SLC9A3: variants seen among roughly 807,000 people sequenced by gnomAD.
The protein encoded by SLC9A3 is sodium/hydrogen exchanger 3.
A neutral mutation model predicts 86.8 loss-of-function variants in SLC9A3; 37 were observed. That is an observed-to-expected ratio of 0.43 (90% CI 0.33 to 0.56). The LOEUF is 0.56. SLC9A3 is among the 20% of genes least tolerant of loss of function. The pLI is 0.06. For missense variants in SLC9A3, 1,011 were observed against 1,171.9 expected, an observed-to-expected ratio of 0.86 and a Z score of 2.00; for synonymous variants, 581 against 528.3, an observed-to-expected ratio of 1.10 and a Z score of -1.37.
chr5:508,434 C>T (rs571658367), intron 1 of SLC9A3, among the ~76,000 whole-genome samples: 3 of 132,618 alleles, frequency 2.3e-5, no homozygotes, highest in South Asian at 2.7e-4. Context: ...CGCAGGGAGA[C>T]GCAGCCCATA....
chr5:485,823 C>T (rs1483526781), intron 3 of SLC9A3, among the ~76,000 whole-genome samples: 2 of 152,110 alleles, frequency 1.3e-5, no homozygotes, highest in African/African-American at 2.4e-5. Flanking sequence ...CTGGGGCAGG[C>T]GTGTAAGTTG....
In SLC9A3 at chr5:472,726, G is replaced by A. The variant is rs1738434442; in HGVS notation, c.*653C>T. ...GGGCCTGGAAACGGCGCTCGGCCCAGGCCGCTTGCGGGCGCTGGGCCTGCA... is the reference window on the plus strand; with the variant it reads ...GGGCCTGGAAACGGCGCTCGGCCCAAGCCGCTTGCGGGCGCTGGGCCTGCA... On this transcript the variant is annotated 3_prime_UTR_variant, in exon 17 of 17. Coordinates refer to ENST00000264938, the MANE Select transcript of SLC9A3 (RefSeq NM_004174.4). 4 of 570,924 alleles carry A rather than the reference G, an allele frequency of 7.0e-6. No homozygotes were observed. Among genetic ancestry groups the A allele is most frequent in the South Asian group, 4.6e-5 (3 of 65,546 alleles). 35.4% of individuals were successfully genotyped at this position (570,924 alleles called of 1,614,324 possible). A position where few individuals can be genotyped will look rare whatever the true frequency, so the allele number is the denominator to read the frequency against.
At chr5:475,503 T>A in intron 15 of SLC9A3, 58 bp downstream of exon 15, 3 of 1,019,970 alleles carry the variant, frequency 2.9e-6, no homozygotes, top group Non-Finnish European at 4.5e-6. Flanking sequence ...CCGAGCTCCC[T>A]CCTGGGGCGG....
Position 475,577 on chromosome 5 carries a change from C to T in SLC9A3, c.2235G>A (p.Ala745=), listed in dbSNP as rs1441598292. Residue 745 remains alanine (A), a synonymous_variant, in exon 15 of 17, where the codon GCG becomes GCA. Transcript: ENST00000264938. The part of the protein sequence containing the change: ...EFLASVTKDT[A]SDSPAGIDNP... Reference sequence around the variant, plus strand: ...CGTCCCCACCTGCAGGGGAGTCGGACGCTGTGTCCTTGGTGACACTAGCCA... The same window carrying T: ...CGTCCCCACCTGCAGGGGAGTCGGATGCTGTGTCCTTGGTGACACTAGCCA... 2 of 1,548,212 alleles carry T rather than the reference C, an allele frequency of 1.3e-6. No individual in the cohort carries two copies. Among genetic ancestry groups the T allele is most frequent in the Non-Finnish European group, 1.7e-6 (2 of 1,143,600 alleles).
At chr5:522,752 A>AG (rs947104470) in intron 1 of SLC9A3, among the ~76,000 whole-genome samples, 1 of 151,914 alleles carries the variant, frequency 6.6e-6, no homozygotes, top group African/African-American at 2.4e-5. Flanking sequence ...AAAAAAAAAA[A>AG]AAAGAAAAAA....
At chr5:515,369 C>G (rs1170965554) in intron 1 of SLC9A3, among the ~76,000 whole-genome samples, 1 of 152,152 alleles carries the variant, frequency 6.6e-6, no homozygotes, top group Non-Finnish European at 1.5e-5. Flanking sequence ...CTTGGGCACC[C>G]TGGCTGCTCT....
intron 1 of SLC9A3, among the ~76,000 whole-genome samples, chr5:498,588 G>A (rs566550950): frequency 6.6e-6 from 1 of 152,256 alleles, no homozygotes; most frequent in Admixed American, 6.5e-5. Flanking sequence ...TTTTTGTAGA[G>A]ATGGAGTTTC....
intron 1 of SLC9A3, among the ~76,000 whole-genome samples, chr5:514,372 C>T (rs1193642346): frequency 3.9e-5 from 6 of 152,212 alleles, no homozygotes; most frequent in East Asian, 1.9e-4. Context: ...GCCCAGCCTC[C>T]GGCCTGTGCC....
intron 11 of SLC9A3, 124 bp from the exon 12 acceptor site, chr5:476,796 G>C (rs910805580): frequency 8.7e-7 from 1 of 1,155,700 alleles, no homozygotes; most frequent in Non-Finnish European, 1.2e-6. Flanking sequence ...GCCTTCCCAT[G>C]GTGGGCACCC....
intron 1 of SLC9A3, among the ~76,000 whole-genome samples, chr5:515,124 C>A (rs1419174065): frequency 6.6e-6 from 1 of 151,932 alleles, no homozygotes; most frequent in Non-Finnish European, 1.5e-5. Flanking sequence ...CGGCCCCCCA[C>A]TCCTCACCCC....
At chr5:506,796 G>T (rs566751897) in intron 1 of SLC9A3, among the ~76,000 whole-genome samples, 5 of 151,978 alleles carry the variant, frequency 3.3e-5, no homozygotes, top group African/African-American at 4.8e-5. Context: ...GGCCGGGCGC[G>T]GTGGCTCACG....
chr5:486,031 C>A (rs1230927268), intron 3 of SLC9A3, among the ~76,000 whole-genome samples: 1 of 152,344 alleles, frequency 6.6e-6, no homozygotes, highest in African/African-American at 2.4e-5. Context: ...TTAAGTCTCA[C>A]TTCCCAAATT....
Position 474,127 on chromosome 5 carries a change from G to A in SLC9A3, c.2502-745C>T, listed in dbSNP as rs146984168. Among the ~76,000 whole-genome samples the A allele has an allele frequency of 1.3e-3, 202 of 151,384 alleles. 9 individuals are homozygous for A. In the East Asian group the frequency reaches 0.018, roughly 13 times the overall value. ...GCCAGGTTCAGGTCCAGGGAGGAGAGAGAGCGAGCGCGCGAGGCGGAGACC... is the reference window on the plus strand; with the variant it reads ...GCCAGGTTCAGGTCCAGGGAGGAGAAAGAGCGAGCGCGCGAGGCGGAGACC... On this transcript the variant is annotated intron_variant, in intron 16 of 16. Coordinates refer to ENST00000264938, the MANE Select transcript of SLC9A3 (RefSeq NM_004174.4).
intron 15 of SLC9A3, 39 bp from the exon 16 acceptor site, chr5:475,171 C>A (rs1256403765): frequency 1.3e-6 from 2 of 1,528,872 alleles, no homozygotes; most frequent in Admixed American, 2.0e-5. Context: ...CTTCGGAGAG[C>A]CCCACGGCGG....
chr5:519,195 G>C (rs1733815044), intron 1 of SLC9A3, among the ~76,000 whole-genome samples: 1 of 152,152 alleles, frequency 6.6e-6, no homozygotes, highest in African/African-American at 2.4e-5. Flanking sequence ...TCTCCTGCCA[G>C]GACTGGGGTC....
At chr5:504,705 C>T (rs1039382105) in intron 1 of SLC9A3, among the ~76,000 whole-genome samples, 6 of 152,212 alleles carry the variant, frequency 3.9e-5, no homozygotes, top group South Asian at 2.1e-4. Flanking sequence ...CACCCCTCAG[C>T]GCTGTGAGGC....
chr5:514,004 CACTGTGTGCTGGG>C (rs1733652428), intron 1 of SLC9A3, among the ~76,000 whole-genome samples: 1 of 152,232 alleles, frequency 6.6e-6, no homozygotes, highest in Non-Finnish European at 1.5e-5. Flanking sequence ...GAGATTCCCC[CACTGTGTGCTGGG>C]TGTGGGCGGT....
At chr5:484,494 A>AGCTCGCGTGTGTGGGAGGG in intron 5 of SLC9A3, 26 bp downstream of exon 5, 1 of 1,609,828 alleles carries the variant, frequency 6.2e-7, no homozygotes, top group African/African-American at 1.3e-5. Flanking sequence ...GGCGTGGAGA[A>AGCTCGCGTGTGTGGGAGGG]GCTCGCGTGT....
At chr5:481,309 T>G (rs920233937) in intron 9 of SLC9A3, among the ~76,000 whole-genome samples, 1 of 152,254 alleles carries the variant, frequency 6.6e-6, no homozygotes, top group Non-Finnish European at 1.5e-5. Flanking sequence ...AGAGGGCATC[T>G]CTATTCCCTG....
Sources: gnomAD v4.1 joint callset for allele counts (sites outside exome capture counted in the v4.1 genomes callset) on GRCh38, gnomAD v4.1.1 for gene constraint, MANE v1.5 for transcripts, NCBI Gene and HGNC (gene_info 2026-07-23, HGNC 2026-07-21) for gene names.